Variants in COL4A5 observed in about 807,000 individuals in gnomAD.
The protein encoded by COL4A5 is collagen alpha-5(IV) chain.
COL4A5 carries 26 observed loss-of-function variants against 130.2 expected under a neutral mutation model. That is an observed-to-expected ratio of 0.20 (90% CI 0.15 to 0.28). COL4A5 has a LOEUF of 0.28. Ranked by LOEUF, COL4A5 falls within the 10% of genes least tolerant of loss-of-function variation. The pLI, the probability that COL4A5 is intolerant of heterozygous loss-of-function variation, is 1.00. For missense variants in COL4A5, 1,131 were observed against 1,344.3 expected (o/e 0.84, Z 2.48); for synonymous variants, 496 against 439.6 (o/e 1.13, Z -1.60).
intron 25 of COL4A5, among the ~76,000 whole-genome samples, chrX:108,599,666 C>T (rs1277786835): frequency 8.9e-6 from 1 of 111,926 alleles, no homozygotes; most frequent in African/African-American, 3.2e-5. Flanking sequence ...TACAGAACTA[C>T]AGTCCATGGA....
At chrX:108,620,908 C>G (rs1243798658) in intron 31 of COL4A5, among the ~76,000 whole-genome samples, 2 of 110,817 alleles carry the variant, frequency 1.8e-5, no homozygotes, top group East Asian at 5.7e-4. Flanking sequence ...GCTCCCCTTC[C>G]ATGGCAGCTG....
At position 108,546,270 on chromosome X, in the gene COL4A5, T is replaced by C. The variant is rs766268660; in HGVS notation, c.141+6465T>C. 1.3e-4 allele frequency among the ~76,000 whole-genome samples: 15 copies of C among 112,151 alleles called. 1 individual carries two copies. In the South Asian group the frequency reaches 5.2e-3, roughly 39 times the overall value. ...ACTGGTTGTTCCTTTCCATGTTTAG[T>C]GCTTCCTTCAGGAGCTCTTGTAAGG... On this transcript the variant is annotated intron_variant, in intron 2 of 52. Coordinates refer to ENST00000328300, the MANE Select transcript of COL4A5 (RefSeq NM_033380.3).
intron 1 of COL4A5, among the ~76,000 whole-genome samples, chrX:108,445,067 T>C (rs1436469885): frequency 9.0e-6 from 1 of 111,552 alleles, no homozygotes; most frequent in African/African-American, 3.3e-5. Context: ...GTAAAACATA[T>C]AGTATTTGAC....
chrX:108,547,853 T>G (rs770895714), intron 2 of COL4A5, among the ~76,000 whole-genome samples: 11 of 111,785 alleles, frequency 9.8e-5, no homozygotes, highest in African/African-American at 3.6e-4. Flanking sequence ...CAGTTCGATC[T>G]CAGACTGCTG....
intron 1 of COL4A5, among the ~76,000 whole-genome samples, chrX:108,506,472 C>T (rs1427025991): frequency 9.0e-6 from 1 of 110,519 alleles, no homozygotes; most frequent in Non-Finnish European, 1.9e-5. Context: ...TCCACATACT[C>T]AGGGGATGAG....
chrX:108,626,442 A>G, intron 36 of COL4A5, 93 bp downstream of exon 36: 1 of 1,166,150 alleles, frequency 8.6e-7, no homozygotes, highest in Non-Finnish European at 1.2e-6. Context: ...TAAACAAACT[A>G]TAGAATGACA....
chrX:108,644,119 C>A (rs1166719306), intron 36 of COL4A5, among the ~76,000 whole-genome samples: 1 of 111,997 alleles, frequency 8.9e-6, no homozygotes, highest in Non-Finnish European at 1.9e-5. Flanking sequence ...TTTAAAGCAA[C>A]AACAGTTAAA....
intron 1 of COL4A5, among the ~76,000 whole-genome samples, chrX:108,503,943 C>T (rs1288418482): frequency 5.4e-5 from 6 of 111,887 alleles, no homozygotes; most frequent in Non-Finnish European, 1.1e-4. Flanking sequence ...CAAAGCAATC[C>T]TAAACCAAAA....
At chrX:108,557,640 AACAC>A (rs60795449) in intron 2 of COL4A5, among the ~76,000 whole-genome samples, 3 of 109,314 alleles carry the variant, frequency 2.7e-5, no homozygotes, top group Admixed American at 9.7e-5. Flanking sequence ...GTACTTACAA[AACAC>A]ACACACACAC....
In COL4A5 at chrX:108,545,903, G is replaced by C. The variant is rs755728634; in HGVS notation, c.141+6098G>C. Among the ~76,000 whole-genome samples, 13 of 109,771 alleles carry C rather than the reference G, an allele frequency of 1.2e-4. No individual in the cohort carries two copies. In the East Asian group the frequency reaches 3.2e-3, roughly 27 times the overall value. ...CTTTTGATCTTTGTTGGTTTAAAGT[G>C]TGTTTTATCAGAGACTAGGATTGCA... On this transcript the variant is annotated intron_variant, in intron 2 of 52. Transcript: ENST00000328300.
chrX:108,473,633 A>ATATATATATATATATTTT, intron 1 of COL4A5, among the ~76,000 whole-genome samples: 2,813 of 34,252 alleles, frequency 0.082, 448 homozygotes, highest in Non-Finnish European at 0.14. Flanking sequence ...ATATATATAT[A>ATATATATATATATATTTT]TTTTTTTTTT....
At chrX:108,451,434 T>C (rs2064511262) in intron 1 of COL4A5, among the ~76,000 whole-genome samples, 1 of 112,248 alleles carries the variant, frequency 8.9e-6, no homozygotes, top group African/African-American at 3.2e-5. Flanking sequence ...TCTTCTACAA[T>C]GGTTGAACTA....
intron 1 of COL4A5, among the ~76,000 whole-genome samples, chrX:108,452,871 G>T (rs1267579314): frequency 9.0e-6 from 1 of 110,974 alleles, no homozygotes; most frequent in African/African-American, 3.3e-5. Flanking sequence ...TGTTGAATAG[G>T]AGTGGTGAGA....
At chrX:108,686,374 A>T (rs189952058) in intron 48 of COL4A5, among the ~76,000 whole-genome samples, 1 of 112,392 alleles carries the variant, frequency 8.9e-6, no homozygotes, top group East Asian at 2.8e-4. Context: ...TTTTCCAAGC[A>T]CTCACTGTAC....
At chrX:108,679,900 A>G (rs781116557) in intron 44 of COL4A5, among the ~76,000 whole-genome samples, 2 of 112,385 alleles carry the variant, frequency 1.8e-5, no homozygotes, top group South Asian at 7.4e-4. Flanking sequence ...TCAGCAAAAG[A>G]CAATGAGATC....
chrX:108,626,929 C>T (rs1216532116), intron 36 of COL4A5: 1 of 753,923 alleles, frequency 1.3e-6, no homozygotes, highest in Non-Finnish European at 1.6e-6. Flanking sequence ...AAAGTAGTAA[C>T]TCCTTAATCA....
intron 36 of COL4A5, among the ~76,000 whole-genome samples, chrX:108,633,943 A>C (rs1603301061): frequency 8.9e-6 from 1 of 111,803 alleles, no homozygotes; most frequent in East Asian, 2.8e-4. Context: ...CCACAACAAC[A>C]TTGTTTAAAT....
intron 36 of COL4A5, among the ~76,000 whole-genome samples, chrX:108,644,227 A>G (rs984895676): frequency 4.5e-5 from 5 of 112,051 alleles, no homozygotes; most frequent in Non-Finnish European, 9.4e-5. Flanking sequence ...GGAGTTCCCA[A>G]ATTTATAAAA....
At chrX:108,639,776 A>T (rs1217028034) in intron 36 of COL4A5, among the ~76,000 whole-genome samples, 1 of 112,383 alleles carries the variant, frequency 8.9e-6, no homozygotes, top group South Asian at 3.6e-4. Context: ...GCAAATTAGT[A>T]CATGAAAAGA....
Sources: allele counts gnomAD v4.1 joint callset (sites outside exome capture counted in the v4.1 genomes callset), GRCh38; gene constraint gnomAD v4.1.1; transcripts MANE v1.5; gene names NCBI Gene and HGNC (gene_info 2026-07-23, HGNC 2026-07-21).